CMTR1: variants seen among roughly 807,000 people sequenced by gnomAD.
The protein encoded by CMTR1 is cap methyltransferase 1, also known as cap-specific mRNA (nucleoside-2'-O-)-methyltransferase 1.
Under a neutral mutation model 107.0 loss-of-function variants are expected in CMTR1, and 39 were observed. The observed-to-expected ratio is 0.36, with a 90% CI of 0.28 to 0.48. The LOEUF is 0.48. Among genes scored for constraint, CMTR1 ranks in the 20% least tolerant of loss-of-function variants. The pLI, the probability that CMTR1 is intolerant of heterozygous loss-of-function variation, is 0.99. For synonymous variants in CMTR1, 366 were observed against 379.5 expected, an observed-to-expected ratio of 0.96 and a Z score of 0.41; for missense variants, 672 against 1,064.9, an observed-to-expected ratio of 0.63 and a Z score of 5.14.
intron 19 of CMTR1, 107 bp from the exon 20 acceptor site, chr6:37,476,019 G>T: frequency 1.8e-6 from 2 of 1,082,334 alleles, no homozygotes; most frequent in Non-Finnish European, 1.4e-6. Context: ...CAGTCTTGCC[G>T]CAGATTCAGA....
At position 37,480,310 on chromosome 6, in the gene CMTR1, G is replaced by GC; in HGVS notation, c.*166dup. The GC allele has an allele frequency of 2.4e-5, 34 of 1,416,760 alleles. No homozygotes were observed. Among genetic ancestry groups the GC allele is most frequent in the Non-Finnish European group, 3.0e-5 (33 of 1,098,660 alleles). 87.8% of individuals were successfully genotyped at this position (1,416,760 alleles called of 1,614,324 possible). On this transcript the variant is annotated 3_prime_UTR_variant, in exon 24 of 24. Transcript: ENST00000373451. Reference sequence around the variant, plus strand: ...CCTCTCCATCCCCTGAAGAGCTCAGGCAGGGCCCTGCAGAGAACACTCATG... The same window carrying GC: ...CCTCTCCATCCCCTGAAGAGCTCAGGCCAGGGCCCTGCAGAGAACACTCATG...
chr6:37,460,537 T>C (rs1445045531), intron 10 of CMTR1, among the ~76,000 whole-genome samples: 1 of 151,984 alleles, frequency 6.6e-6, no homozygotes, highest in East Asian at 1.9e-4. Flanking sequence ...GGGCTTTTTT[T>C]TTTTTTAATT....
At chr6:37,453,212 A>G (rs761110110) in intron 7 of CMTR1, 28 bp from the exon 8 acceptor site, 6 of 1,612,322 alleles carry the variant, frequency 3.7e-6, no homozygotes, top group South Asian at 3.3e-5. Flanking sequence ...TAGTACATCT[A>G]GTACTTTTCT....
Position 37,476,184 on chromosome 6 carries a change from A to C in CMTR1, c.2095A>C (p.Asn699His). The C allele has an allele frequency of 6.2e-7, 1 of 1,614,038 alleles. No individual in the cohort carries two copies. Among genetic ancestry groups the C allele is most frequent in the Non-Finnish European group, 8.5e-7 (1 of 1,179,968 alleles). The change falls in exon 20 of 24, where the codon AAT becomes CAT. Residue 699 changes from asparagine (N) to histidine (H), a missense_variant. Physicochemically the swap from Asn to His is moderately conservative, Grantham distance 68. This residue lies in a region of CMTR1 where 583 missense variants were observed against 968.4 expected (regional missense o/e 0.60). Transcript: ENST00000373451. ...TTCCAAGCCTAGTCGGCCCGACATG[A>C]ATCCCATCAGGTGAGCATGTGGTCC... Reference protein sequence around the residue: ...AVSKPSRPDMNPIRVKEVYRL... With the variant: ...AVSKPSRPDMHPIRVKEVYRL...
At chr6:37,457,356 G>C (rs1761317733) in intron 8 of CMTR1, among the ~76,000 whole-genome samples, 1 of 152,156 alleles carries the variant, frequency 6.6e-6, no homozygotes. Context: ...CCTGGAAGCT[G>C]CTGTTGCTGC....
chr6:37,433,095 C>T (rs2113858482), upstream of CMTR1: 1 of 152,502 alleles, frequency 6.6e-6, no homozygotes, highest in South Asian at 2.1e-4. Flanking sequence ...CGCGCAGGCG[C>T]CCCTGGACCT....
In CMTR1 at chr6:37,458,081, G is replaced by GTC. The variant is rs2113877717; in HGVS notation, c.778-528_778-527dup. On this transcript the variant is annotated intron_variant, in intron 8 of 23. Coordinates refer to ENST00000373451, the MANE Select transcript of CMTR1 (RefSeq NM_015050.3). This position sits in a 1 kb window ranked among gnomAD's most constrained non-coding sequence, Gnocchi z 4.7. The stretch of plus-strand genomic sequence containing the variant: ...TTTTTGTTGTTTTTGTTGAGACAGG[G>GTC]TCTCGGTCTGTCGCCCAGGCTCAAG... 6.6e-6 allele frequency among the ~76,000 whole-genome samples: 1 copy of GTC among 152,268 alleles called. No individual in the cohort carries two copies. The highest frequency in any genetic ancestry group is 1.5e-5 in the Non-Finnish European group (1 of 68,026).
chr6:37,480,184 A>G lies in CMTR1; in HGVS notation c.*39A>G. On this transcript the variant is annotated 3_prime_UTR_variant, in exon 24 of 24. Coordinates refer to ENST00000373451, the MANE Select transcript of CMTR1 (RefSeq NM_015050.3). ...TGCCACCCCTGCAGAATGCCCTGTC[A>G]TTCCTGAGATGGGGCCACCTGGGGC... 5 of 1,594,224 alleles carry G rather than the reference A, an allele frequency of 3.1e-6. No homozygotes were observed. The South Asian group carries it at 4.6e-5, about 15-fold the overall frequency.
intron 2 of CMTR1, among the ~76,000 whole-genome samples, chr6:37,436,704 G>A (rs146649439): frequency 6.6e-6 from 1 of 151,940 alleles, no homozygotes; most frequent in African/African-American, 2.4e-5. Flanking sequence ...TAAGGACATC[G>A]GTCATTGGAT....
Position 37,480,045 on chromosome 6 carries a change from G to T in CMTR1, c.2408G>T (p.Trp803Leu). ...TACTATGGCCGGCTCTTCTGGGAGT[G>T]GGGGGATGGCATTCGTGTGCATGAC... ...ICYYGRLFWE[W>L]GDGIRVHDSQ... Residue 803 changes from tryptophan (W) to leucine (L), a missense_variant, in exon 24 of 24, where the codon TGG becomes TTG. Transcript: ENST00000373451. 3.8e-6 allele frequency: 6 copies of T among 1,581,596 alleles called. No homozygotes were observed. Among genetic ancestry groups the T allele is most frequent in the Non-Finnish European group, 4.3e-6 (5 of 1,168,020 alleles).
chr6:37,459,894 G>C lies in CMTR1; in HGVS notation c.1095+210G>C, dbSNP rs1050825015. Among the ~76,000 whole-genome samples the C allele has an allele frequency of 3.2e-4, 49 of 152,190 alleles. 1 individual carries two copies. The highest frequency in any genetic ancestry group is 5.9e-5 in the Non-Finnish European group (4 of 68,036). On this transcript the variant is annotated intron_variant, in intron 10 of 23. Coordinates refer to ENST00000373451, the MANE Select transcript of CMTR1 (RefSeq NM_015050.3). Reference sequence around the variant, plus strand: ...TTGTGGATACCTTTGCCTGGAGCAGGGTGATCTTGGTGTTGCTCCTGGTGG... The same window carrying C: ...TTGTGGATACCTTTGCCTGGAGCAGCGTGATCTTGGTGTTGCTCCTGGTGG...
rs759811092 is a variant in CMTR1 at position 37,446,454 on chromosome 6, G to T, written c.444+5G>T. The T allele has an allele frequency of 4.4e-6, 7 of 1,608,428 alleles. No individual in the cohort carries two copies. In the South Asian group the frequency reaches 7.7e-5, roughly 18 times the overall value. ...GACTGGCGAGATGAGCCAGAGGTAAGTGTTAAAGTGAGGAGGAGATGGAAA... is the reference window on the plus strand; with the variant it reads ...GACTGGCGAGATGAGCCAGAGGTAATTGTTAAAGTGAGGAGGAGATGGAAA... On this transcript the variant is annotated splice_donor_5th_base_variant and intron_variant, in intron 4 of 23. Coordinates refer to ENST00000373451, the MANE Select transcript of CMTR1 (RefSeq NM_015050.3).
Position 37,465,142 on chromosome 6 carries a change from T to A in CMTR1, c.1505+2134T>A, listed in dbSNP as rs1197870807. Among the ~76,000 whole-genome samples the A allele has an allele frequency of 2.0e-5, 3 of 151,838 alleles. No homozygotes were observed. In the East Asian group the frequency reaches 5.8e-4, roughly 30 times the overall value. ...AATTAGCTGGGCATGGTGGCGCATG[T>A]CTGTAATCCCAGCTACTGGGGAGGC... On this transcript the variant is annotated intron_variant, in intron 13 of 23. Transcript: ENST00000373451.
Position 37,469,397 on chromosome 6 carries a change from T to C in CMTR1, c.1506-1624T>C, listed in dbSNP as rs865842431. Among the ~76,000 whole-genome samples, 28 of 152,184 alleles carry C rather than the reference T, an allele frequency of 1.8e-4. 1 individual carries two copies. The highest frequency in any genetic ancestry group is 3.4e-3 in the Middle Eastern group (1 of 294). ...TTTTTAATATCTCAATCTTGATATA[T>C]TTATATGTGGTTTTCTTTGTATTTA... On this transcript the variant is annotated intron_variant, in intron 13 of 23. Transcript: ENST00000373451.
chr6:37,439,259 T>G (rs1174562339), intron 2 of CMTR1, among the ~76,000 whole-genome samples: 4 of 152,244 alleles, frequency 2.6e-5, no homozygotes, highest in African/African-American at 9.6e-5. Context: ...TGTAAATACA[T>G]TCTTACAAAT....
chr6:37,430,673 TTATGCTTAGGTC>T (rs1771349583), upstream of CMTR1, among the ~76,000 whole-genome samples: 1 of 152,174 alleles, frequency 6.6e-6, no homozygotes, highest in East Asian at 1.9e-4. Context: ...ATTTTAGATT[TTATGCTTAGGTC>T]TATGATGTAT....
At chr6:37,424,040 C>G in the CMTR1 span, among the ~76,000 whole-genome samples, 1 of 152,152 alleles carries the variant, frequency 6.6e-6, no homozygotes, top group Non-Finnish European at 1.5e-5. Flanking sequence ...TTGATCATGC[C>G]TAGTCACAGG....
the CMTR1 span, among the ~76,000 whole-genome samples, chr6:37,428,054 GAGA>G: frequency 7.7e-4 from 105 of 135,516 alleles, no homozygotes; most frequent in African/African-American, 2.9e-3. Context: ...GAGAGAGAGA[GAGA>G]GAGAAACTCT....
rs1761837279 is a variant in CMTR1 at position 37,480,794 on chromosome 6, C to T, written c.*649C>T. ...GTGGGAAGGAGGGAGTTTGGGCAAA[C>T]TCTCATCCCTGATACCACATTGAGA... On this transcript the variant is annotated 3_prime_UTR_variant, in exon 24 of 24. Transcript: ENST00000373451. The T allele has an allele frequency of 1.8e-6, 2 of 1,111,240 alleles. No homozygotes were observed. The highest frequency in any genetic ancestry group is 2.2e-5 in the South Asian group (1 of 45,594). The allele number at this position is 1,111,240 out of a possible 1,614,324, so 68.8% of individuals were successfully genotyped here.
Sources: gnomAD v4.1 joint callset for allele counts (sites outside exome capture counted in the v4.1 genomes callset) on GRCh38, gnomAD v4.1.1 for gene constraint, gnomAD v4.1.1 regional missense constraint, Gnocchi (gnomAD v3.1) non-coding constraint, MANE v1.5 for transcripts, NCBI Gene and HGNC (gene_info 2026-07-23, HGNC 2026-07-21) for gene names.